The following FRMD4A variants were observed in gnomAD, a reference collection of about 807,000 sequenced individuals.
FRMD4A encodes FERM domain containing 4A.
Under a neutral mutation model 129.1 loss-of-function variants are expected in FRMD4A, and 29 were observed. The observed-to-expected ratio is 0.22, with a 90% confidence interval of 0.17 to 0.31. The LOEUF (loss-of-function observed/expected upper bound fraction) is 0.31, where lower values mean the gene tolerates loss of function less well. FRMD4A is among the 10% of genes least tolerant of loss of function. FRMD4A has a pLI of 1.00. For missense variants in FRMD4A, 1,272 were observed against 1,375.8 expected, an observed-to-expected ratio of 0.92 and a Z score of 1.19; for synonymous variants, 634 against 571.6, an observed-to-expected ratio of 1.11 and a Z score of -1.56.
At position 14,176,775 on chromosome 10, in the gene FRMD4A, C is replaced by A. The variant is rs552530541; in HGVS notation, c.45+153283G>T. 2.0e-5 allele frequency among the ~76,000 whole-genome samples: 3 copies of A among 152,148 alleles called. No individual in the cohort carries two copies. The East Asian group carries it at 5.8e-4, about 29-fold the overall frequency. ...GCATGAGCCACTGCACCCAGACTTA[C>A]TTCCATCTTTAATTCTATTCTCTGT... On this transcript the variant is annotated intron_variant, in intron 2 of 24. Coordinates refer to ENST00000357447, the MANE Select transcript of FRMD4A (RefSeq NM_018027.5).
At chr10:14,245,296 C>G (rs1457808405) in intron 2 of FRMD4A, among the ~76,000 whole-genome samples, 1 of 152,204 alleles carries the variant, frequency 6.6e-6, no homozygotes. Context: ...GGTGAGGTAT[C>G]AGCTCTGAGG....
intron 24 of FRMD4A, among the ~76,000 whole-genome samples, chr10:13,650,405 TGCATGA>T (rs1316467349): frequency 1.3e-5 from 2 of 152,016 alleles, no homozygotes; most frequent in Non-Finnish European, 1.5e-5. Context: ...TGCACATGTA[TGCATGA>T]GCATGAACTC....
intron 2 of FRMD4A, among the ~76,000 whole-genome samples, chr10:14,294,346 G>C (rs1328766959): frequency 6.6e-6 from 1 of 152,184 alleles, no homozygotes; most frequent in Non-Finnish European, 1.5e-5. Flanking sequence ...ACTGCTTAGT[G>C]TGAACTAATA....
intron 2 of FRMD4A, among the ~76,000 whole-genome samples, chr10:14,026,045 T>TA (rs1832971840): frequency 6.6e-6 from 1 of 152,206 alleles, no homozygotes; most frequent in Non-Finnish European, 1.5e-5. Flanking sequence ...TCTGTCCTCT[T>TA]AGTTCCCTAA....
intron 2 of FRMD4A, among the ~76,000 whole-genome samples, chr10:14,130,059 C>T (rs1480687961): frequency 6.6e-6 from 1 of 152,060 alleles, no homozygotes; most frequent in African/African-American, 2.4e-5. Context: ...CGCTTGCGGG[C>T]CTGCTTTGCT....
intron 2 of FRMD4A, among the ~76,000 whole-genome samples, chr10:14,162,942 A>G (rs561859533): frequency 2.0e-5 from 3 of 152,076 alleles, no homozygotes; most frequent in Non-Finnish European, 4.4e-5. Flanking sequence ...TTCCTTCCAC[A>G]CACACCGGCA....
At chr10:14,283,372 C>A (rs564357799) in intron 2 of FRMD4A, among the ~76,000 whole-genome samples, 1 of 152,192 alleles carries the variant, frequency 6.6e-6, no homozygotes, top group South Asian at 2.1e-4. Context: ...GAAAAGACAG[C>A]AAAATGTAAA....
rs12416526 is a variant in FRMD4A, at chr10:13,870,403, C to T, written c.46-11491G>A. Among the ~76,000 whole-genome samples, 1,429 of 152,362 alleles carry T rather than the reference C, an allele frequency of 9.4e-3. 52 individuals carry two copies. The highest frequency in any genetic ancestry group is 0.061 in the Admixed American group (930 of 15,302). ...GTGGGCCACCTGGGACTTTTAGAGT[C>T]TGTTCCTCCAAGGACCATCCTCTCC... On this transcript the variant is annotated intron_variant, in intron 2 of 24. Coordinates refer to ENST00000357447, the MANE Select transcript of FRMD4A (RefSeq NM_018027.5).
intron 2 of FRMD4A, among the ~76,000 whole-genome samples, chr10:14,245,040 A>G (rs1428021694): frequency 6.6e-6 from 1 of 152,218 alleles, no homozygotes; most frequent in Non-Finnish European, 1.5e-5. Flanking sequence ...TCCCTTGAAT[A>G]TGGAATCTTG....
In FRMD4A at chr10:14,210,668, C is replaced by G. The variant is rs117759499; in HGVS notation, c.45+119390G>C. On this transcript the variant is annotated intron_variant, in intron 2 of 24. Transcript: ENST00000357447. ...CTAAGGAGTCAGTCGTAAGCATCTC[C>G]AATAGCCGCACTGTATCATGTGGGC... Among the ~76,000 whole-genome samples the G allele has an allele frequency of 5.1e-3, 774 of 152,300 alleles. 1 individual carries two copies. The highest frequency in any genetic ancestry group is 7.9e-3 in the Non-Finnish European group (534 of 68,022).
At chr10:14,298,597 A>AG (rs1846085466) in intron 2 of FRMD4A, among the ~76,000 whole-genome samples, 1 of 152,148 alleles carries the variant, frequency 6.6e-6, no homozygotes, top group Non-Finnish European at 1.5e-5. Flanking sequence ...CTTAAAAAAA[A>AG]TTAATTTTCA....
At chr10:13,803,273 C>T (rs954228105) in intron 4 of FRMD4A, among the ~76,000 whole-genome samples, 4 of 152,138 alleles carry the variant, frequency 2.6e-5, no homozygotes, top group African/African-American at 9.7e-5. Flanking sequence ...GCTCTCCAGC[C>T]CAGGATAAAT....
chr10:13,711,306 C>A (rs539436420), intron 12 of FRMD4A, among the ~76,000 whole-genome samples: 3 of 152,250 alleles, frequency 2.0e-5, no homozygotes, highest in Middle Eastern at 3.2e-3. Flanking sequence ...GCTGGCAGAG[C>A]AAACACAACA....
chr10:13,765,497 G>T (rs562006933), intron 6 of FRMD4A, among the ~76,000 whole-genome samples: 1 of 152,256 alleles, frequency 6.6e-6, no homozygotes, highest in East Asian at 1.9e-4. Flanking sequence ...AAGCACACCT[G>T]GATCTTTTGA....
intron 3 of FRMD4A, among the ~76,000 whole-genome samples, chr10:13,849,994 TC>T (rs1205760626): frequency 3.3e-5 from 5 of 151,204 alleles, no homozygotes; most frequent in African/African-American, 9.7e-5. Context: ...CATGGTGAAA[TC>T]CCGCCTCTAC....
intron 2 of FRMD4A, among the ~76,000 whole-genome samples, chr10:14,142,626 A>C (rs1329724564): frequency 6.6e-6 from 1 of 152,244 alleles, no homozygotes; most frequent in African/African-American, 2.4e-5. Flanking sequence ...AGAGACCTTG[A>C]AAAATTATAT....
intron 2 of FRMD4A, among the ~76,000 whole-genome samples, chr10:14,122,168 C>A (rs1043182743): frequency 6.6e-6 from 1 of 152,126 alleles, no homozygotes; most frequent in South Asian, 2.1e-4. Context: ...AAAGCCTTTG[C>A]TTTGTAAAGG....
rs147870684 is a variant in FRMD4A at position 13,941,632 on chromosome 10, A to G, written c.46-82720T>C. On this transcript the variant is annotated intron_variant, in intron 2 of 24. Transcript: ENST00000357447. ...CTACTTGGAGGCTTGAGCTGATAGA[A>G]TTATACTTACAGTTAGGATTTGTGC... 3.0e-3 allele frequency among the ~76,000 whole-genome samples: 455 copies of G among 152,286 alleles called. 4 individuals carry two copies. The highest frequency in any genetic ancestry group is 0.01 in the African/African-American group (433 of 41,552).
chr10:14,008,328 G>C (rs2095669866), intron 2 of FRMD4A: 2 of 1,034,012 alleles, frequency 1.9e-6, no homozygotes, highest in African/African-American at 1.7e-5. Context: ...TCAAGATGTG[G>C]TTTGTCAGGA....
Sources: allele counts gnomAD v4.1 joint callset (sites outside exome capture counted in the v4.1 genomes callset), GRCh38; gene constraint gnomAD v4.1.1; transcripts MANE v1.5; gene names NCBI Gene and HGNC (gene_info 2026-07-23, HGNC 2026-07-21).